Variants in MITF observed in about 807,000 individuals in gnomAD.
MITF encodes microphthalmia-associated transcription factor.
Under a neutral mutation model 60.5 loss-of-function variants are expected in MITF, and 17 were observed. The ratio of observed to expected loss-of-function variants is 0.28; its 90% CI spans 0.19 to 0.42. The LOEUF (loss-of-function observed/expected upper bound fraction) is 0.42. MITF is among the 10% of genes least tolerant of loss of function. MITF has a pLI of 1.00. For synonymous variants in MITF, 260 were observed against 248.5 expected (o/e 1.05, Z -0.43); for missense variants, 622 against 683.5 (o/e 0.91, Z 1.00).
At chr3:69,805,463 T>TG (rs1302650552) in intron 1 of MITF, among the ~76,000 whole-genome samples, 1 of 108,770 alleles carries the variant, frequency 9.2e-6, no homozygotes, top group Non-Finnish European at 2.5e-5. Context: ...GCTGGTTTCT[T>TG]GGGTTTTTTT....
In MITF at chr3:69,959,220, T is replaced by C. The variant is rs1186361862; in HGVS notation, c.1032-53T>C. The stretch of plus-strand genomic sequence containing the variant: ...AATGGAGTGCTTTGAATATTGAATT[T>C]TCATTGAGCCTCAAATCCTAAAAAT... On this transcript the variant is annotated intron_variant, in intron 8 of 9. Coordinates refer to ENST00000352241, the MANE Select transcript of MITF (RefSeq NM_001354604.2). The C allele has an allele frequency of 1.9e-6, 3 of 1,605,260 alleles. No individual in the cohort carries two copies. The African/African-American group carries it at 4.0e-5, about 22-fold the overall frequency.
Position 69,880,442 on chromosome 3 carries a change from G to A in MITF, c.354+1059G>A, listed in dbSNP as rs144164405. 1.4e-4 allele frequency among the ~76,000 whole-genome samples: 22 copies of A among 152,222 alleles called. No individual in the cohort carries two copies. The South Asian group carries it at 4.4e-3, about 30-fold the overall frequency. On this transcript the variant is annotated intron_variant, in intron 2 of 9. Coordinates refer to ENST00000352241, the MANE Select transcript of MITF (RefSeq NM_001354604.2). The stretch of plus-strand genomic sequence containing the variant: ...TTGCGAAGACTTAAAATATAGTGAT[G>A]CAATAATGGAACTCGGATGAAGAAA...
At chr3:69,742,865 C>G (rs149165132) in intron 1 of MITF, among the ~76,000 whole-genome samples, 5 of 152,312 alleles carry the variant, frequency 3.3e-5, no homozygotes, top group Non-Finnish European at 5.9e-5. Flanking sequence ...TTTGCGATTG[C>G]TGTTCCTCCA....
intron 2 of MITF, among the ~76,000 whole-genome samples, chr3:69,921,297 T>C (rs185547908): frequency 6.6e-6 from 1 of 152,352 alleles, no homozygotes; most frequent in East Asian, 1.9e-4. Context: ...AACGTTCCTT[T>C]ATTTACTATT....
chr3:69,763,923 CTG>C (rs748611387), intron 1 of MITF: 3 of 1,369,666 alleles, frequency 2.2e-6, no homozygotes, highest in Admixed American at 4.1e-5. Flanking sequence ...GAAATTGACT[CTG>C]TGCCTGTTTT....
intron 1 of MITF, among the ~76,000 whole-genome samples, chr3:69,771,117 G>A (rs1019749909): frequency 3.2e-4 from 48 of 152,246 alleles, no homozygotes; most frequent in African/African-American, 1.1e-3. Context: ...TTCATTCCAT[G>A]TTGGTTTCCT....
intron 2 of MITF, among the ~76,000 whole-genome samples, chr3:69,919,331 T>C (rs1438543199): frequency 6.6e-6 from 1 of 152,266 alleles, no homozygotes; most frequent in Non-Finnish European, 1.5e-5. Context: ...AGGAACAATC[T>C]TGTTTAATTT....
At chr3:69,809,388 G>A (rs926654898) in intron 1 of MITF, among the ~76,000 whole-genome samples, 1 of 152,078 alleles carries the variant, frequency 6.6e-6, no homozygotes, top group Non-Finnish European at 1.5e-5. Context: ...CATTTAGGAT[G>A]CCAGAACAAT....
chr3:69,904,104 C>T (rs942984160), intron 2 of MITF, among the ~76,000 whole-genome samples: 1 of 152,028 alleles, frequency 6.6e-6, no homozygotes, highest in Non-Finnish European at 1.5e-5. Flanking sequence ...TTAGCTTGAA[C>T]CAGTATCACC....
chr3:69,862,560 G>A (rs1003289721), intron 1 of MITF, among the ~76,000 whole-genome samples: 17 of 152,200 alleles, frequency 1.1e-4, no homozygotes, highest in African/African-American at 1.7e-4. Flanking sequence ...TTTGAGCTAT[G>A]ATAAAACAGT....
Position 69,874,890 on chromosome 3 carries a change from A to T in MITF, c.105-4244A>T, listed in dbSNP as rs143477521. ...GATTTAGCAAAACGTCAGATAGTTC[A>T]GAGCCCATGTCCAAAATACCTATAC... On this transcript the variant is annotated intron_variant, in intron 1 of 9. Coordinates refer to ENST00000352241, the MANE Select transcript of MITF (RefSeq NM_001354604.2). 2.6e-5 allele frequency among the ~76,000 whole-genome samples: 4 copies of T among 152,344 alleles called. No homozygotes were observed. In the East Asian group the frequency reaches 7.7e-4, roughly 29 times the overall value.
In MITF at chr3:69,777,597, A is replaced by C. The variant is rs146891087; in HGVS notation, c.104+37896A>C. On this transcript the variant is annotated intron_variant, in intron 1 of 9. Coordinates refer to ENST00000352241, the MANE Select transcript of MITF (RefSeq NM_001354604.2). ...GCTTGCACTGAGAAGTCAGGTGTGC[A>C]GAGAAGTGCTAATGGTCGCATCAAG... is the stretch of plus-strand genomic sequence containing the variant. 2.5e-3 allele frequency among the ~76,000 whole-genome samples: 386 copies of C among 152,326 alleles called. 1 individual carries two copies. Among genetic ancestry groups the C allele is most frequent in the Non-Finnish European group, 4.4e-3 (297 of 68,028 alleles).
At chr3:69,878,956 C>A in intron 1 of MITF, 178 bp from the exon 2 acceptor site, 1 of 616,466 alleles carries the variant, frequency 1.6e-6, no homozygotes, top group East Asian at 2.8e-5. Flanking sequence ...AATTCAACTA[C>A]TAATGACTTA....
chr3:69,854,662 G>T (rs2107189354), intron 1 of MITF, among the ~76,000 whole-genome samples: 1 of 152,280 alleles, frequency 6.6e-6, no homozygotes, highest in Non-Finnish European at 1.5e-5. Context: ...TTGTACAATA[G>T]AGTTTTCCAA....
chr3:69,810,997 A>G (rs1000155965), intron 1 of MITF, among the ~76,000 whole-genome samples: 1 of 152,218 alleles, frequency 6.6e-6, no homozygotes, highest in African/African-American at 2.4e-5. Flanking sequence ...ATTAAATTAG[A>G]GATGTTGAAG....
At chr3:69,923,026 C>T (rs1426278576) in intron 2 of MITF, among the ~76,000 whole-genome samples, 3 of 152,172 alleles carry the variant, frequency 2.0e-5, no homozygotes, top group African/African-American at 7.2e-5. Flanking sequence ...ACAGTGTCCA[C>T]CCAGCGGGGG....
intron 1 of MITF, among the ~76,000 whole-genome samples, chr3:69,782,455 T>G (rs2106880455): frequency 6.6e-6 from 1 of 152,318 alleles, no homozygotes; most frequent in Middle Eastern, 3.4e-3. Flanking sequence ...ACAAGTCTAT[T>G]AGTTGCTGTT....
chr3:69,898,405 T>A (rs1333714829), intron 2 of MITF, among the ~76,000 whole-genome samples: 2 of 152,200 alleles, frequency 1.3e-5, no homozygotes, highest in African/African-American at 4.8e-5. Flanking sequence ...CATGGGGTCT[T>A]GTGATCAAGA....
At chr3:69,817,867 G>A (rs986015950) in intron 1 of MITF, among the ~76,000 whole-genome samples, 1 of 152,060 alleles carries the variant, frequency 6.6e-6, no homozygotes, top group Non-Finnish European at 1.5e-5. Flanking sequence ...CAAGCCTTTT[G>A]GGGTTATCTT....
Sources: allele counts gnomAD v4.1 joint callset (sites outside exome capture counted in the v4.1 genomes callset), GRCh38; gene constraint gnomAD v4.1.1; transcripts MANE v1.5; gene names NCBI Gene and HGNC (gene_info 2026-07-23, HGNC 2026-07-21).